Variants in HLF observed in about 807,000 individuals in gnomAD.
The protein encoded by HLF is HLF transcription factor, PAR bZIP family member, also known as hepatic leukemia factor.
A neutral mutation model predicts 22.6 loss-of-function variants in HLF; 3 were observed. The observed-to-expected ratio is 0.13, with a 90% CI of 0.06 to 0.34. The LOEUF (loss-of-function observed/expected upper bound fraction) is 0.34. Among genes scored for constraint, HLF ranks in the 10% least tolerant of loss-of-function variants. The pLI is 1.00. For missense variants in HLF, 299 were observed against 389.2 expected, an observed-to-expected ratio of 0.77 and a Z score of 1.95; for synonymous variants, 151 against 151.8, an observed-to-expected ratio of 0.99 and a Z score of 0.04.
intron 2 of HLF, among the ~76,000 whole-genome samples, chr17:55,306,842 AT>A (rs1212662314): frequency 7.0e-6 from 1 of 142,136 alleles, no homozygotes; most frequent in Admixed American, 7.0e-5. Context: ...TCATTCTTGT[AT>A]TTCTTCTTGG....
chr17:55,285,368 A>G (rs1220132870), intron 2 of HLF, among the ~76,000 whole-genome samples: 1 of 152,002 alleles, frequency 6.6e-6, no homozygotes, highest in Non-Finnish European at 1.5e-5. Flanking sequence ...ATCATGTTTG[A>G]TGGGATTCCA....
chr17:55,282,244 T>C (rs558406003), intron 2 of HLF, among the ~76,000 whole-genome samples: 4 of 152,342 alleles, frequency 2.6e-5, no homozygotes, highest in Admixed American at 2.0e-4. Flanking sequence ...GTTAATATCT[T>C]TGGAGTCTTG....
rs879033900 is a variant in HLF, at chr17:55,324,790, AGTGTGTGTGTGTGTGTGTGCGTGCAT to A, written c.*3926_*3951del. The A allele has an allele frequency of 4.8e-3, 1,028 of 216,418 alleles. 2 individuals are homozygous for A. Among genetic ancestry groups the A allele is most frequent in the South Asian group, 0.02 (101 of 5,136 alleles). 13.4% of individuals were successfully genotyped at this position (216,418 alleles called of 1,614,324 possible). ...CATTTTGCAGGAGGCTAAGTGTAAG[AGTGTGTGTGTGTGTGTGTGCGTGCAT>A]GTGTGTGTGTGTGTATGTGTGTGAA... On this transcript the variant is annotated 3_prime_UTR_variant, in exon 4 of 4. Coordinates refer to ENST00000226067, the MANE Select transcript of HLF (RefSeq NM_002126.5).
At chr17:55,290,119 A>G (rs2081046855) in intron 2 of HLF, among the ~76,000 whole-genome samples, 1 of 152,188 alleles carries the variant, frequency 6.6e-6, no homozygotes. Context: ...AAATAAGCAC[A>G]ACCAACATTA....
At chr17:55,316,126 A>G (rs1905055526) in intron 3 of HLF, among the ~76,000 whole-genome samples, 1 of 152,250 alleles carries the variant, frequency 6.6e-6, no homozygotes, top group Admixed American at 6.5e-5. Context: ...AATACAGCTT[A>G]AAACAAAATT....
At chr17:55,313,895 C>T (rs559140243) in intron 2 of HLF, among the ~76,000 whole-genome samples, 19 of 152,318 alleles carry the variant, frequency 1.2e-4, no homozygotes, top group African/African-American at 4.3e-4. Flanking sequence ...GCAAACTCCC[C>T]ACCAGGCCTT....
intron 2 of HLF, among the ~76,000 whole-genome samples, chr17:55,298,646 G>A (rs1402828959): frequency 6.6e-6 from 1 of 152,192 alleles, no homozygotes; most frequent in African/African-American, 2.4e-5. Flanking sequence ...CTGTATGACT[G>A]TAAAGCAAGG....
intron 2 of HLF, among the ~76,000 whole-genome samples, chr17:55,300,658 C>T (rs1050552611): frequency 1.4e-4 from 21 of 152,194 alleles, no homozygotes; most frequent in Non-Finnish European, 1.5e-5. Context: ...CTCCTCTTTC[C>T]CCATGTTCAG....
chr17:55,320,135 A>G lies in HLF; in HGVS notation c.673-529A>G, dbSNP rs1455080031. Among the ~76,000 whole-genome samples, 1 of 152,170 alleles carries G rather than the reference A, an allele frequency of 6.6e-6. No homozygotes were observed. The highest frequency in any genetic ancestry group is 1.5e-5 in the Non-Finnish European group (1 of 68,030). ...CACATAATGCTGCAGTGAACAGTTT[A>G]TGCTTGTGTGTACATGCACATGTAT... On this transcript the variant is annotated intron_variant, in intron 3 of 3. Coordinates refer to ENST00000226067, the MANE Select transcript of HLF (RefSeq NM_002126.5). This position sits in a 1 kb window ranked among gnomAD's most constrained non-coding sequence, Gnocchi z 4.2.
chr17:55,304,353 C>A (rs1369990234), intron 2 of HLF, among the ~76,000 whole-genome samples: 1 of 152,108 alleles, frequency 6.6e-6, no homozygotes, highest in Non-Finnish European at 1.5e-5. Flanking sequence ...TCACAGGGGG[C>A]AATGGCGAGA....
rs187502000 is a variant in HLF at position 55,279,264 on chromosome 17, A to G, written c.451+11178A>G. On this transcript the variant is annotated intron_variant, in intron 2 of 3. Coordinates refer to ENST00000226067, the MANE Select transcript of HLF (RefSeq NM_002126.5). ...ATTGGCTTCCTGGAAGACTGATGAC[A>G]GGAAGATTCAGTATTACACAAACTA... Among the ~76,000 whole-genome samples, 417 of 152,322 alleles carry G rather than the reference A, an allele frequency of 2.7e-3. 1 individual carries two copies. The highest frequency in any genetic ancestry group is 9.8e-3 in the African/African-American group (406 of 41,566).
intron 2 of HLF, among the ~76,000 whole-genome samples, chr17:55,294,348 A>G (rs1699430502): frequency 6.6e-6 from 1 of 152,194 alleles, no homozygotes; most frequent in African/African-American, 2.4e-5. Context: ...ACATGAATAT[A>G]TGGATGTGTT....
At chr17:55,273,272 T>C (rs2080874403) in intron 2 of HLF, among the ~76,000 whole-genome samples, 1 of 152,102 alleles carries the variant, frequency 6.6e-6, no homozygotes, top group Non-Finnish European at 1.5e-5. Flanking sequence ...CCCTCTCCCT[T>C]GGGGTTTTGG....
At chr17:55,311,708 G>A (rs1271541536) in intron 2 of HLF, among the ~76,000 whole-genome samples, 1 of 152,132 alleles carries the variant, frequency 6.6e-6, no homozygotes, top group East Asian at 1.9e-4. Context: ...GGGTACATGT[G>A]CAGGTTTGTT....
chr17:55,298,067 C>G (rs1157269943), intron 2 of HLF, among the ~76,000 whole-genome samples: 1 of 152,046 alleles, frequency 6.6e-6, no homozygotes, highest in Non-Finnish European at 1.5e-5. Context: ...CTTTCTTTTC[C>G]TGTTTGAAGA....
chr17:55,295,205 G>C (rs10852974), intron 2 of HLF, among the ~76,000 whole-genome samples: 108,685 of 152,120 alleles, frequency 0.71, 40,367 homozygotes, highest in African/African-American at 0.93. Context: ...GAGGGAAGAT[G>C]GGAGATGATC....
In HLF at chr17:55,286,677, T is replaced by C. The variant is rs144596671; in HGVS notation, c.451+18591T>C. 1.5e-3 allele frequency among the ~76,000 whole-genome samples: 225 copies of C among 152,324 alleles called. 1 individual carries two copies. Among genetic ancestry groups the C allele is most frequent in the Admixed American group, 4.7e-3 (72 of 15,300 alleles). ...TCATAACAAACGGTTGAAAATAAAC[T>C]CTTTTTCCCCATCACACCAAGCCAT... On this transcript the variant is annotated intron_variant, in intron 2 of 3. Transcript: ENST00000226067.
intron 2 of HLF, among the ~76,000 whole-genome samples, chr17:55,314,046 G>A (rs1169109139): frequency 6.6e-6 from 1 of 152,174 alleles, no homozygotes; most frequent in East Asian, 1.9e-4. Flanking sequence ...GGAAGAGGGG[G>A]AGATGGGCCA....
At chr17:55,309,923 A>G (rs1216712651) in intron 2 of HLF, among the ~76,000 whole-genome samples, 1 of 152,224 alleles carries the variant, frequency 6.6e-6, no homozygotes, top group Non-Finnish European at 1.5e-5. Flanking sequence ...TGACTAGAGA[A>G]GAGATAAAGA....
Sources: gnomAD v4.1 joint callset for allele counts (sites outside exome capture counted in the v4.1 genomes callset) on GRCh38, gnomAD v4.1.1 for gene constraint, Gnocchi (gnomAD v3.1) non-coding constraint, MANE v1.5 for transcripts, NCBI Gene and HGNC (gene_info 2026-07-23, HGNC 2026-07-21) for gene names.